Variants in FOCAD observed in about 807,000 individuals in gnomAD.
FOCAD encodes the protein focadhesin, also known as KIAA1797.
In FOCAD, 198 loss-of-function variants were observed where a neutral mutation model predicts 225.6. That is an observed-to-expected ratio of 0.88 (90% CI 0.78 to 0.99). FOCAD has a LOEUF of 0.99. FOCAD is among the 50% of genes least tolerant of loss of function. FOCAD has a pLI of 0.00. For missense variants in FOCAD, 2,713 were observed against 2,123.6 expected, an observed-to-expected ratio of 1.28 and a Z score of -5.46; for synonymous variants, 897 against 755.0, an observed-to-expected ratio of 1.19 and a Z score of -3.08.
intron 23 of FOCAD, among the ~76,000 whole-genome samples, chr9:20,916,633 AC>A (rs1833887924): frequency 1.3e-5 from 2 of 152,226 alleles, no homozygotes; most frequent in Non-Finnish European, 2.9e-5. Context: ...TAATACTGTT[AC>A]AGTGCTATCT....
intron 22 of FOCAD, among the ~76,000 whole-genome samples, chr9:20,909,682 T>C (rs1176337652): frequency 6.6e-6 from 1 of 152,138 alleles, no homozygotes; most frequent in African/African-American, 2.4e-5. Context: ...TTTGCAGTAT[T>C]ATTTAAAAAT....
Position 20,874,556 on chromosome 9 carries a change from T to C in FOCAD, c.2191-125T>C. On this transcript the variant is annotated intron_variant, in intron 18 of 43. Coordinates refer to ENST00000338382, the MANE Select transcript of FOCAD (RefSeq NM_001375567.1). ...TTTAAAAAATTAATTTCAGTGGTCT[T>C]TTATGTTATAGAGTGATGGAGTCTA... is the stretch of plus-strand genomic sequence containing the variant. 3.3e-6 allele frequency: 3 copies of C among 908,970 alleles called. No individual in the cohort carries two copies. In the South Asian group the frequency reaches 5.7e-5, roughly 17 times the overall value. 56.3% of individuals were successfully genotyped at this position (908,970 alleles called of 1,614,324 possible). A position where few individuals can be genotyped will look rare whatever the true frequency, so the allele number is the denominator to read the frequency against.
At chr9:20,910,358 A>T (rs1020424559) in intron 22 of FOCAD, among the ~76,000 whole-genome samples, 1 of 152,094 alleles carries the variant, frequency 6.6e-6, no homozygotes, top group Non-Finnish European at 1.5e-5. Flanking sequence ...TATGAAAGCA[A>T]ATTGACTGTA....
At chr9:20,894,461 C>G (rs1831897540) in intron 21 of FOCAD, among the ~76,000 whole-genome samples, 1 of 152,070 alleles carries the variant, frequency 6.6e-6, no homozygotes, top group Non-Finnish European at 1.5e-5. Flanking sequence ...AAAACATCTT[C>G]CAAAGTGGCT....
intron 2 of FOCAD, among the ~76,000 whole-genome samples, chr9:20,673,422 C>T (rs1822135837): frequency 1.3e-5 from 2 of 152,056 alleles, no homozygotes; most frequent in Non-Finnish European, 2.9e-5. Flanking sequence ...TCTGCATCGG[C>T]ATCATTTATT....
intron 9 of FOCAD, 152 bp from the exon 10 acceptor site, chr9:20,781,575 C>G: frequency 1.7e-6 from 1 of 603,054 alleles, no homozygotes. Context: ...CTTTTATTTC[C>G]TTTTAGGATA....
At chr9:20,774,295 A>T (rs1818537279) in intron 8 of FOCAD, among the ~76,000 whole-genome samples, 1 of 152,142 alleles carries the variant, frequency 6.6e-6, no homozygotes, top group Non-Finnish European at 1.5e-5. Context: ...TGTTTCCAAG[A>T]CTACAGGGGA....
At chr9:20,935,898 G>C (rs1835899969) in intron 28 of FOCAD, among the ~76,000 whole-genome samples, 1 of 152,028 alleles carries the variant, frequency 6.6e-6, no homozygotes, top group Non-Finnish European at 1.5e-5. Context: ...TGGTTTTTAA[G>C]TTTTGTCTAT....
chr9:20,915,787 C>T (rs559579191), intron 23 of FOCAD, among the ~76,000 whole-genome samples: 1 of 152,078 alleles, frequency 6.6e-6, no homozygotes, highest in African/African-American at 2.4e-5. Flanking sequence ...TGTGATGCAG[C>T]AGAGAGGAGG....
chr9:20,721,978 T>TCC (rs1290253783), intron 4 of FOCAD, among the ~76,000 whole-genome samples: 13,846 of 30,952 alleles, frequency 0.45, 3,946 homozygotes, highest in Non-Finnish European at 0.51. Context: ...TTTTCTCCCC[T>TCC]CCTTCCCTCC....
At chr9:20,916,573 T>A (rs1564147503) in intron 23 of FOCAD, among the ~76,000 whole-genome samples, 1 of 152,182 alleles carries the variant, frequency 6.6e-6, no homozygotes, top group Non-Finnish European at 1.5e-5. Context: ...TTCAGTCCAT[T>A]GAAGAGAGTA....
intron 24 of FOCAD, among the ~76,000 whole-genome samples, chr9:20,917,659 C>G (rs950896118): frequency 2.0e-5 from 3 of 152,054 alleles, no homozygotes; most frequent in Non-Finnish European, 4.4e-5. Context: ...TTGCCTCCAA[C>G]CAACACAGAT....
At chr9:20,847,471 G>C (rs2131600812) in intron 15 of FOCAD, among the ~76,000 whole-genome samples, 1 of 132,940 alleles carries the variant, frequency 7.5e-6, no homozygotes, top group Non-Finnish European at 1.6e-5. Context: ...CATCTGCTCA[G>C]ATTTTTTTTT....
At chr9:20,665,805 C>T (rs1386285617) in intron 2 of FOCAD, among the ~76,000 whole-genome samples, 3 of 152,010 alleles carry the variant, frequency 2.0e-5, no homozygotes, top group Admixed American at 6.5e-5. Flanking sequence ...GCAAGACAGG[C>T]GGATTGCCTG....
At chr9:20,770,772 A>C (rs1818134243) in intron 8 of FOCAD, among the ~76,000 whole-genome samples, 1 of 152,246 alleles carries the variant, frequency 6.6e-6, no homozygotes, top group Admixed American at 6.5e-5. Flanking sequence ...TAATACCATT[A>C]GCGCATATTG....
chr9:20,707,438 A>G (rs927343164), intron 1 of FOCAD, among the ~76,000 whole-genome samples: 5 of 152,170 alleles, frequency 3.3e-5, no homozygotes, highest in Admixed American at 6.6e-5. Context: ...TGGGGTGCCA[A>G]TCCCTCATGC....
chr9:20,713,201 G>T (rs1289448478), intron 1 of FOCAD, among the ~76,000 whole-genome samples: 1 of 152,088 alleles, frequency 6.6e-6, no homozygotes, highest in Non-Finnish European at 1.5e-5. Context: ...TCCCTGTAGT[G>T]GCCTACAAGG....
intron 15 of FOCAD, among the ~76,000 whole-genome samples, chr9:20,842,118 C>T (rs568685865): frequency 9.4e-5 from 12 of 128,116 alleles, no homozygotes; most frequent in African/African-American, 3.4e-4. Context: ...AGAAAAGATA[C>T]TTTACATGAT....
In FOCAD at chr9:20,946,725, G is replaced by T. The variant is rs1259970967; in HGVS notation, c.3580G>T (p.Val1194Leu). The change falls in exon 30 of 44, where the codon GTA becomes TTA. Residue 1194 changes from valine (V) to leucine (L), a missense_variant. Transcript: ENST00000338382. Reference sequence around the variant, plus strand: ...GGTCCTTGCCTACACACTTAGCTGTGTATGTACATCAGCGTTCAGTGCTGG... The same window carrying T: ...GGTCCTTGCCTACACACTTAGCTGTTTATGTACATCAGCGTTCAGTGCTGG... ...QEVLAYTLSC[V>L]CTSAFSAGII... 6.8e-6 allele frequency: 11 copies of T among 1,613,430 alleles called. No homozygotes were observed. Among genetic ancestry groups the T allele is most frequent in the Non-Finnish European group, 9.3e-6 (11 of 1,179,596 alleles).
Sources: allele counts gnomAD v4.1 joint callset (sites outside exome capture counted in the v4.1 genomes callset), GRCh38; gene constraint gnomAD v4.1.1; transcripts MANE v1.5; gene names NCBI Gene and HGNC (gene_info 2026-07-23, HGNC 2026-07-21).